TRAP1: variants seen among roughly 807,000 people sequenced by gnomAD.
TRAP1 encodes the protein heat shock protein 75 kDa, mitochondrial.
Under a neutral mutation model 89.1 loss-of-function variants are expected in TRAP1, and 102 were observed. That is an observed-to-expected ratio of 1.15 (90% CI 0.98 to 1.35). The LOEUF (loss-of-function observed/expected upper bound fraction) is 1.35. Ranked by LOEUF, TRAP1 falls within the 40% of genes most tolerant of loss-of-function variation. The pLI is 0.00. For synonymous variants in TRAP1, 508 were observed against 388.0 expected (o/e 1.31, Z -3.64); for missense variants, 1,256 against 945.3 (o/e 1.33, Z -4.31).
At chr16:3,714,386 C>T (rs562276516) in intron 1 of TRAP1, among the ~76,000 whole-genome samples, 39 of 152,304 alleles carry the variant, frequency 2.6e-4, no homozygotes, top group South Asian at 2.3e-3. Flanking sequence ...GTAGGCCAGG[C>T]GCAGTGGCTC....
intron 1 of TRAP1, among the ~76,000 whole-genome samples, chr16:3,699,629 CAAAA>C (rs35602361): frequency 2.8e-5 from 2 of 72,044 alleles, no homozygotes; most frequent in African/African-American, 5.1e-5. Context: ...AACTCCGTCT[CAAAA>C]AAAAAAAAAA....
chr16:3,697,249 T>G (rs149067248), intron 1 of TRAP1, among the ~76,000 whole-genome samples: 11 of 152,340 alleles, frequency 7.2e-5, no homozygotes, highest in Admixed American at 7.2e-4. Context: ...CTGAGCACTG[T>G]CCCGTATTTT....
At chr16:3,663,807 C>A (rs956308255) in intron 13 of TRAP1, 1 of 524,842 alleles carries the variant, frequency 1.9e-6, no homozygotes, top group African/African-American at 1.9e-5. Context: ...AGTGCAGTGG[C>A]TCACGCCTGT....
At chr16:3,673,419 C>A (rs1033032567) in intron 9 of TRAP1, among the ~76,000 whole-genome samples, 1 of 152,188 alleles carries the variant, frequency 6.6e-6, no homozygotes, top group African/African-American at 2.4e-5. Context: ...TGGAACGTGC[C>A]TGCCAACACC....
intron 1 of TRAP1, among the ~76,000 whole-genome samples, chr16:3,695,303 A>T (rs13333291): frequency 0.057 from 8,705 of 152,210 alleles, 760 homozygotes; most frequent in African/African-American, 0.19. Context: ...GAGCTGAGGG[A>T]ACATGACACT....
At chr16:3,705,618 C>G (rs1596751513) in intron 1 of TRAP1, among the ~76,000 whole-genome samples, 1 of 152,168 alleles carries the variant, frequency 6.6e-6, no homozygotes, top group Non-Finnish European at 1.5e-5. Context: ...CTTTTTATAA[C>G]TGAAGAGCAC....
chr16:3,692,119 C>T (rs998361130), intron 1 of TRAP1, among the ~76,000 whole-genome samples: 4 of 152,198 alleles, frequency 2.6e-5, no homozygotes, highest in African/African-American at 9.7e-5. Context: ...CAGCCAGCCA[C>T]GCCGTGTCAA....
intron 1 of TRAP1, among the ~76,000 whole-genome samples, chr16:3,709,646 CCT>C (rs1491214525): frequency 6.7e-6 from 1 of 149,058 alleles, no homozygotes; most frequent in Non-Finnish European, 1.5e-5. Flanking sequence ...CCTTTGTTTC[CCT>C]TTTTTTTGTG....
chr16:3,709,155 G>C (rs1481016243), intron 1 of TRAP1, among the ~76,000 whole-genome samples: 1 of 144,988 alleles, frequency 6.9e-6, no homozygotes, highest in Non-Finnish European at 1.5e-5. Flanking sequence ...AAAAGGGCTA[G>C]CGCAGAGGTT....
chr16:3,714,662 A>T (rs2051574137), intron 1 of TRAP1, among the ~76,000 whole-genome samples: 1 of 152,142 alleles, frequency 6.6e-6, no homozygotes, highest in South Asian at 2.1e-4. Flanking sequence ...CCGGCTCAAA[A>T]AAAATCAAAT....
Position 3,658,055 on chromosome 16 carries a change from T to C in TRAP1, c.*74A>G, listed in dbSNP as rs939064932. 1.2e-6 allele frequency: 2 copies of C among 1,607,808 alleles called. No homozygotes were observed. Among genetic ancestry groups the C allele is most frequent in the African/African-American group, 2.7e-5 (2 of 74,732 alleles). On this transcript the variant is annotated 3_prime_UTR_variant, in exon 18 of 18. Transcript: ENST00000246957. Reference sequence around the variant, plus strand: ...CACACACTCGGGTTAAGAAATACCTTTAAATTTAGGTAAATAAAGCTCAAG... The same window carrying C: ...CACACACTCGGGTTAAGAAATACCTCTAAATTTAGGTAAATAAAGCTCAAG...
chr16:3,702,386 G>A (rs2051378056), intron 1 of TRAP1, among the ~76,000 whole-genome samples: 1 of 151,816 alleles, frequency 6.6e-6, no homozygotes, highest in African/African-American at 2.4e-5. Flanking sequence ...CCACTGTGCT[G>A]CTTCACAGAC....
intron 9 of TRAP1, among the ~76,000 whole-genome samples, chr16:3,673,932 G>A (rs888837492): frequency 6.6e-6 from 1 of 152,240 alleles, no homozygotes; most frequent in Non-Finnish European, 1.5e-5. Context: ...ATCCACAGCA[G>A]ATGATGTAGG....
chr16:3,693,147 C>T (rs1188150174), intron 1 of TRAP1, among the ~76,000 whole-genome samples: 1 of 151,718 alleles, frequency 6.6e-6, no homozygotes, highest in Non-Finnish European at 1.5e-5. Context: ...CGAGGTTTCA[C>T]CTTATTGGTC....
rs766657977 is a variant in TRAP1 at position 3,672,831 on chromosome 16, G to C, written c.1045-11C>G. On this transcript the variant is annotated splice_polypyrimidine_tract_variant and intron_variant, in intron 9 of 17. Coordinates refer to ENST00000246957, the MANE Select transcript of TRAP1 (RefSeq NM_016292.3). ...AAACATGGACGGTTTCTGGGGGTGA[G>C]GAGAACACGCCATCATGCAGCACTG... 2 of 1,610,644 alleles carry C rather than the reference G, an allele frequency of 1.2e-6. No individual in the cohort carries two copies. Among genetic ancestry groups the C allele is most frequent in the Admixed American group, 3.4e-5 (2 of 59,700 alleles).
intron 13 of TRAP1, 168 bp from the exon 14 acceptor site, chr16:3,663,730 C>A: frequency 2.6e-6 from 2 of 763,134 alleles, no homozygotes; most frequent in South Asian, 1.8e-5. Context: ...ACACCTGGGT[C>A]TAAGGAAGGC....
At chr16:3,699,044 A>T (rs1008631130) in intron 1 of TRAP1, among the ~76,000 whole-genome samples, 5 of 152,168 alleles carry the variant, frequency 3.3e-5, no homozygotes, top group African/African-American at 9.7e-5. Context: ...ACAAGATCTT[A>T]CTGTTAAACT....
chr16:3,666,227 C>T (rs1406352520), intron 11 of TRAP1, 109 bp from the exon 12 acceptor site: 13 of 1,362,044 alleles, frequency 9.5e-6, no homozygotes, highest in Non-Finnish European at 1.3e-5. Flanking sequence ...GAAGTGAAAA[C>T]AACAAGGTAC....
Position 3,662,708 on chromosome 16 carries a change from G to A in TRAP1, c.1794+174C>T, listed in dbSNP as rs377509192. 2.4e-4 allele frequency: 171 copies of A among 707,536 alleles called. 2 individuals are homozygous for A. Among genetic ancestry groups the A allele is most frequent in the African/African-American group, 1.1e-3 (61 of 57,446 alleles). The allele number at this position is 707,536 out of a possible 1,614,324, so 43.8% of individuals were successfully genotyped here. A position where few individuals can be genotyped will look rare whatever the true frequency, so the allele number is the denominator to read the frequency against. ...AAAGACACGGCCTTCCTGCCTCAGC[G>A]GCACTCCCGAGCAACACGTGCCGAG... On this transcript the variant is annotated intron_variant, in intron 15 of 17. Transcript: ENST00000246957.
Sources: gnomAD v4.1 joint callset for allele counts (sites outside exome capture counted in the v4.1 genomes callset) on GRCh38, gnomAD v4.1.1 for gene constraint, MANE v1.5 for transcripts, NCBI Gene and HGNC (gene_info 2026-07-23, HGNC 2026-07-21) for gene names.